ARMC2: variants seen among roughly 807,000 people sequenced by gnomAD.
The protein encoded by ARMC2 is armadillo repeat containing 2.
ARMC2 carries 67 observed loss-of-function variants against 90.3 expected under a neutral mutation model. The ratio of observed to expected loss-of-function variants is 0.74; its 90% CI spans 0.61 to 0.91. ARMC2 has a LOEUF of 0.91. Among genes scored for constraint, ARMC2 ranks in the 40% least tolerant of loss-of-function variants. ARMC2 has a pLI of 0.00. For missense variants in ARMC2, 920 were observed against 1,030.9 expected (o/e 0.89, Z 1.47); for synonymous variants, 393 against 393.0 (o/e 1.00, Z 0.00).
At chr6:108,944,619 A>C (rs1378515270) in intron 12 of ARMC2, among the ~76,000 whole-genome samples, 1 of 152,206 alleles carries the variant, frequency 6.6e-6, no homozygotes, top group Non-Finnish European at 1.5e-5. Context: ...CTTTAAAATA[A>C]TTCCTGCAGA....
chr6:108,915,595 G>A (rs1409889788), intron 10 of ARMC2, among the ~76,000 whole-genome samples: 2 of 152,194 alleles, frequency 1.3e-5, no homozygotes, highest in African/African-American at 4.8e-5. Flanking sequence ...CCTGAAGATT[G>A]TGCAGGATTT....
chr6:109,009,171 C>G, the ARMC2 span, among the ~76,000 whole-genome samples: 5 of 152,228 alleles, frequency 3.3e-5, no homozygotes, highest in African/African-American at 4.8e-5. Context: ...GCAACCCCTT[C>G]CCCCGAGGGG....
chr6:108,999,020 C>T, the ARMC2 span: 2 of 258,504 alleles, frequency 7.7e-6, no homozygotes, highest in Non-Finnish European at 1.5e-5. Flanking sequence ...ATGCATTTTG[C>T]TTAAAAGTGG....
the ARMC2 span, among the ~76,000 whole-genome samples, chr6:109,045,109 C>T: frequency 1.3e-5 from 2 of 152,126 alleles, no homozygotes; most frequent in Admixed American, 1.3e-4. Flanking sequence ...CCACGAAGGC[C>T]TTCATTATAC....
chr6:108,880,841 C>A (rs925576009), intron 5 of ARMC2, among the ~76,000 whole-genome samples: 1 of 150,180 alleles, frequency 6.7e-6, no homozygotes, highest in African/African-American at 2.4e-5. Flanking sequence ...CTCCCTCCTT[C>A]CTTCCTTCCT....
chr6:108,852,962 T>G (rs1041746455), intron 1 of ARMC2, among the ~76,000 whole-genome samples: 1 of 152,156 alleles, frequency 6.6e-6, no homozygotes, highest in African/African-American at 2.4e-5. Context: ...TAATTATGAT[T>G]GAATATTCTA....
At chr6:108,986,452 ATTC>A in the ARMC2 span, 35 of 152,778 alleles carry the variant, frequency 2.3e-4, no homozygotes, top group African/African-American at 7.9e-4. Context: ...TTGGAGAAAA[ATTC>A]TTCTTTATTT....
chr6:108,932,920 A>G (rs1316105107), intron 11 of ARMC2, among the ~76,000 whole-genome samples: 1 of 152,044 alleles, frequency 6.6e-6, no homozygotes, highest in Non-Finnish European at 1.5e-5. Context: ...CCCTTGGTCC[A>G]TGTGCCTGTT....
At chr6:109,020,949 T>C in the ARMC2 span, among the ~76,000 whole-genome samples, 1 of 152,206 alleles carries the variant, frequency 6.6e-6, no homozygotes, top group Non-Finnish European at 1.5e-5. Context: ...TAGAACAGTT[T>C]GCTTTGTCAT....
Position 108,965,125 on chromosome 6 carries a change from C to T in ARMC2, c.2431C>T (p.Leu811Phe). ...AGACACCAACACACTCTTACTCTTG[C>T]TCTCATCATTTTTAGGTAAGACTCT... ...NEDTNTLLLL[L>F]SSFLDEELAL... The change falls in exon 17 of 18, where the codon CTC (leucine) becomes TTC (phenylalanine). Residue 811 changes from leucine (L) to phenylalanine (F), a missense_variant. Transcript: ENST00000392644. 1 of 1,606,176 alleles carries T rather than the reference C, an allele frequency of 6.2e-7. No individual in the cohort carries two copies. Among genetic ancestry groups the T allele is most frequent in the South Asian group, 1.1e-5 (1 of 90,882 alleles).
chr6:108,908,429 T>C (rs1773037322), intron 8 of ARMC2, among the ~76,000 whole-genome samples: 1 of 152,172 alleles, frequency 6.6e-6, no homozygotes, highest in Non-Finnish European at 1.5e-5. Context: ...TAAATACTTG[T>C]GGATCAAGCA....
chr6:108,910,786 T>TTC (rs5879002), intron 8 of ARMC2, 113 bp from the exon 9 acceptor site: 433,193 of 541,172 alleles, frequency 0.8, 174,480 homozygotes, highest in South Asian at 0.85. Context: ...TTTAGAACTT[T>TTC]TTCATGTTTA....
At chr6:108,874,675 G>A (rs1410804753) in intron 4 of ARMC2, among the ~76,000 whole-genome samples, 1 of 152,148 alleles carries the variant, frequency 6.6e-6, no homozygotes, top group East Asian at 1.9e-4. Context: ...ATGGAAGGTG[G>A]TGTGAATTGA....
chr6:108,921,758 C>T (rs953847881), intron 10 of ARMC2, among the ~76,000 whole-genome samples: 1 of 152,224 alleles, frequency 6.6e-6, no homozygotes, highest in African/African-American at 2.4e-5. Context: ...AATCATTTCA[C>T]ACTGTTTGTG....
At chr6:108,863,087 C>T (rs370549137) in intron 3 of ARMC2, among the ~76,000 whole-genome samples, 54 of 152,286 alleles carry the variant, frequency 3.5e-4, no homozygotes, top group African/African-American at 1.2e-3. Context: ...TCCAGCCCGA[C>T]TTGCCCAGGG....
intron 3 of ARMC2, among the ~76,000 whole-genome samples, chr6:108,862,735 G>A (rs1032067733): frequency 1.3e-5 from 2 of 152,098 alleles, no homozygotes; most frequent in Admixed American, 6.6e-5. Flanking sequence ...ACAGTTAAGG[G>A]ACACATTTGC....
intron 6 of ARMC2, among the ~76,000 whole-genome samples, chr6:108,896,409 T>A (rs1771619284): frequency 6.6e-6 from 1 of 152,198 alleles, no homozygotes; most frequent in South Asian, 2.1e-4. Context: ...TTATTATTTG[T>A]GTGTTTGTGT....
chr6:108,871,225 G>A (rs1407321835), intron 4 of ARMC2, among the ~76,000 whole-genome samples: 1 of 152,116 alleles, frequency 6.6e-6, no homozygotes, highest in African/African-American at 2.4e-5. Context: ...GAACTGCCCA[G>A]GGCCTCAGAA....
the ARMC2 span, among the ~76,000 whole-genome samples, chr6:108,979,660 G>A: frequency 6.6e-6 from 1 of 151,914 alleles, no homozygotes; most frequent in African/African-American, 2.4e-5. Flanking sequence ...TTTTCACATA[G>A]TCCCCTACTT....
Sources: gnomAD v4.1 joint callset for allele counts (sites outside exome capture counted in the v4.1 genomes callset) on GRCh38, gnomAD v4.1.1 for gene constraint, MANE v1.5 for transcripts, NCBI Gene and HGNC (gene_info 2026-07-23, HGNC 2026-07-21) for gene names.